HECA: variants seen among roughly 807,000 people sequenced by gnomAD.
The protein encoded by HECA is headcase protein homolog.
In HECA, 13 loss-of-function variants were observed where a neutral mutation model predicts 37.6. That is an observed-to-expected ratio of 0.35 (90% CI 0.23 to 0.55). The LOEUF (loss-of-function observed/expected upper bound fraction) is 0.55. Ranked by LOEUF, HECA falls within the 20% of genes least tolerant of loss-of-function variation. The pLI is 0.90. For synonymous variants in HECA, 307 were observed against 291.5 expected, an observed-to-expected ratio of 1.05 and a Z score of -0.54; for missense variants, 527 against 701.9, an observed-to-expected ratio of 0.75 and a Z score of 2.82.
At chr6:139,150,934 A>T (rs1774642708) in intron 1 of HECA, 1 of 152,186 alleles carries the variant, frequency 6.6e-6, no homozygotes, top group Non-Finnish European at 1.5e-5. Flanking sequence ...AAGTTGCTTC[A>T]AGTTAGTATA....
chr6:139,137,630 C>A (rs1333934737), intron 1 of HECA, among the ~76,000 whole-genome samples: 2 of 70,870 alleles, frequency 2.8e-5, no homozygotes, highest in African/African-American at 1.6e-4. Context: ...CCTACCAGCT[C>A]CTTTTTTTTT....
At chr6:139,148,404 C>T (rs572586348) in intron 1 of HECA, among the ~76,000 whole-genome samples, 1 of 152,324 alleles carries the variant, frequency 6.6e-6, no homozygotes, top group Non-Finnish European at 1.5e-5. Context: ...TACCAGTGCA[C>T]AGTAATGCTA....
chr6:139,173,176 G>A (rs1687316327), intron 2 of HECA, among the ~76,000 whole-genome samples: 1 of 152,228 alleles, frequency 6.6e-6, no homozygotes, highest in Non-Finnish European at 1.5e-5. Context: ...TAGAGCAGAG[G>A]TGGGGAGTAT....
In HECA at chr6:139,166,407, A is replaced by G; in HGVS notation, c.395A>G (p.Gln132Arg). Residue 132 changes from glutamine (Q) to arginine (R), a missense_variant, in exon 2 of 4, where the codon CAG (glutamine) becomes CGG (arginine). By Grantham distance (43) the Gln-to-Arg change is conservative (BLOSUM62 1). Coordinates refer to ENST00000367658, the MANE Select transcript of HECA (RefSeq NM_016217.3). ...HCPCSTWMHLQCFYEWESSIL... is the reference protein window; with the variant it reads ...HCPCSTWMHLRCFYEWESSIL... ...CCCTGCAGCACCTGGATGCACCTGC[A>G]GTGCTTCTACGAGTGGGAGAGCAGC... 6.2e-7 allele frequency: 1 copy of G among 1,614,236 alleles called. No individual in the cohort carries two copies. The highest frequency in any genetic ancestry group is 8.5e-7 in the Non-Finnish European group (1 of 1,180,040).
intron 1 of HECA, among the ~76,000 whole-genome samples, chr6:139,156,997 A>G (rs774444198): frequency 5.3e-5 from 8 of 152,262 alleles, no homozygotes; most frequent in Non-Finnish European, 7.3e-5. Flanking sequence ...AAGCAAGTTT[A>G]TTAAGAAAGT....
Position 139,176,043 on chromosome 6 carries a change from G to A in HECA, c.1468-898G>A, listed in dbSNP as rs1408842279. On this transcript the variant is annotated intron_variant, in intron 3 of 3. Transcript: ENST00000367658. The surrounding 1 kb of genome is among the most constrained non-coding windows in gnomAD (Gnocchi z 4.5). The stretch of plus-strand genomic sequence containing the variant: ...TAAGCAATAATTGATTCTTAGAAAG[G>A]TATAACAGTGTGAAGACGGGTTTGC... 6.6e-6 allele frequency among the ~76,000 whole-genome samples: 1 copy of A among 152,228 alleles called. No homozygotes were observed. The highest frequency in any genetic ancestry group is 2.1e-4 in the South Asian group (1 of 4,832).
chr6:139,146,900 G>A (rs1178423684), intron 1 of HECA, among the ~76,000 whole-genome samples: 1 of 152,222 alleles, frequency 6.6e-6, no homozygotes, highest in African/African-American at 2.4e-5. Flanking sequence ...TGAAGGTGAT[G>A]TGCTGTAGTG....
At chr6:139,167,788 T>C (rs944421406) in intron 2 of HECA, among the ~76,000 whole-genome samples, 4 of 152,166 alleles carry the variant, frequency 2.6e-5, no homozygotes, top group African/African-American at 9.7e-5. Context: ...AGTGTGTTGA[T>C]AGCAGCAAAA....
intron 1 of HECA, among the ~76,000 whole-genome samples, chr6:139,164,850 T>C (rs904670262): frequency 1.3e-5 from 2 of 150,836 alleles, no homozygotes; most frequent in Non-Finnish European, 3.0e-5. Context: ...GGCAACAGGT[T>C]TCCTTCCTTG....
chr6:139,164,804 C>T (rs1335583714), intron 1 of HECA, among the ~76,000 whole-genome samples: 4 of 151,490 alleles, frequency 2.6e-5, no homozygotes, highest in South Asian at 2.1e-4. Context: ...CGCCCCCCAC[C>T]GCTCATACAA....
intron 1 of HECA, 44 bp downstream of exon 1, chr6:139,135,711 G>C (rs1774425796): frequency 3.2e-6 from 3 of 934,030 alleles, no homozygotes; most frequent in African/African-American, 1.8e-5. Context: ...CCTCCCCGAC[G>C]GGGACGGCGC....
rs1166258308 is a variant in HECA, at chr6:139,180,198, T to TAA, written c.*3096_*3097dup. On this transcript the variant is annotated 3_prime_UTR_variant, in exon 4 of 4. Coordinates refer to ENST00000367658, the MANE Select transcript of HECA (RefSeq NM_016217.3). Reference sequence around the variant, plus strand: ...TTGTTCAAGAAGTTCATTTTCTGAGTAAAAGGTATTTTCATATATGTTGGG... The same window carrying TAA: ...TTGTTCAAGAAGTTCATTTTCTGAGTAAAAAAGGTATTTTCATATATGTTGGG... 2 of 152,198 alleles carry TAA rather than the reference T, an allele frequency of 1.3e-5. No homozygotes were observed. Among genetic ancestry groups the TAA allele is most frequent in the Non-Finnish European group, 2.9e-5 (2 of 68,026 alleles). 9.4% of individuals were successfully genotyped at this position (152,198 alleles called of 1,614,324 possible).
chr6:139,173,629 G>T (rs143506656), intron 2 of HECA, among the ~76,000 whole-genome samples: 1 of 152,168 alleles, frequency 6.6e-6, no homozygotes, highest in African/African-American at 2.4e-5. Context: ...GCTGTTATAC[G>T]TTGCCTGGGC....
chr6:139,170,874 G>T (rs183914582), intron 2 of HECA, among the ~76,000 whole-genome samples: 1 of 152,262 alleles, frequency 6.6e-6, no homozygotes, highest in Admixed American at 6.5e-5. Context: ...TTGTAGTCTA[G>T]ATGTAAGGAG....
intron 1 of HECA, among the ~76,000 whole-genome samples, chr6:139,150,065 C>T (rs1774632685): frequency 1.3e-5 from 2 of 152,202 alleles, no homozygotes; most frequent in African/African-American, 2.4e-5. Context: ...GGCTTTTCTG[C>T]TTTCTCCTCT....
At chr6:139,168,365 CATATAGT>C (rs1774922913) in intron 2 of HECA, among the ~76,000 whole-genome samples, 2 of 150,900 alleles carry the variant, frequency 1.3e-5, no homozygotes, top group Non-Finnish European at 2.9e-5. Context: ...TATATAGTAC[CATATAGT>C]CTAGGACTCC....
chr6:139,167,435 T>C (rs1027728271), intron 2 of HECA, 111 bp downstream of exon 2: 2 of 899,096 alleles, frequency 2.2e-6, no homozygotes, highest in Non-Finnish European at 3.3e-6. Context: ...TTTTTTGTTC[T>C]AGTCAGGTGC....
intron 1 of HECA, among the ~76,000 whole-genome samples, chr6:139,136,935 G>C (rs796099250): frequency 3.9e-5 from 6 of 152,286 alleles, no homozygotes; most frequent in African/African-American, 1.4e-4. Context: ...CGCCCAGCCA[G>C]ATCAGGCACT....
chr6:139,155,048 T>C (rs1774695814), intron 1 of HECA, among the ~76,000 whole-genome samples: 2 of 152,302 alleles, frequency 1.3e-5, no homozygotes, highest in South Asian at 4.1e-4. Flanking sequence ...TTCTAAGAAG[T>C]GTGTCATTTG....
Sources: gnomAD v4.1 joint callset for allele counts (sites outside exome capture counted in the v4.1 genomes callset) on GRCh38, gnomAD v4.1.1 for gene constraint, Gnocchi (gnomAD v3.1) non-coding constraint, MANE v1.5 for transcripts, NCBI Gene and HGNC (gene_info 2026-07-23, HGNC 2026-07-21) for gene names.